The following MAST4 variants were observed in gnomAD, a reference collection of about 807,000 sequenced individuals.
MAST4 encodes microtubule associated serine/threonine kinase family member 4, also known as microtubule-associated serine/threonine-protein kinase 4.
MAST4 carries 89 observed loss-of-function variants against 162.7 expected under a neutral mutation model. The observed-to-expected ratio is 0.55, with a 90% CI of 0.46 to 0.65. MAST4 has a LOEUF of 0.65. MAST4 is among the 30% of genes least tolerant of loss of function. The probability of loss-of-function intolerance (pLI) is 0.00; values close to 1 mark genes in which losing one functional copy is unlikely to be tolerated. For synonymous variants in MAST4, 1,479 were observed against 1,361.1 expected, an observed-to-expected ratio of 1.09 and a Z score of -1.91; for missense variants, 3,153 against 3,374.0, an observed-to-expected ratio of 0.93 and a Z score of 1.62.
At chr5:66,914,511 G>C (rs1033879753) in intron 4 of MAST4, among the ~76,000 whole-genome samples, 3 of 152,174 alleles carry the variant, frequency 2.0e-5, no homozygotes, top group Non-Finnish European at 2.9e-5. Flanking sequence ...CTTCTAGAAA[G>C]AACTATAATG....
chr5:66,675,238 T>C (rs2149477866), intron 1 of MAST4, among the ~76,000 whole-genome samples: 1 of 152,294 alleles, frequency 6.6e-6, no homozygotes. Context: ...CCTTCCTTAG[T>C]AGAAGCTGGA....
In MAST4 at chr5:67,028,492, A is replaced by G. The variant is rs116654183; in HGVS notation, c.675-25912A>G. Among the ~76,000 whole-genome samples, 1,028 of 152,236 alleles carry G rather than the reference A, an allele frequency of 6.8e-3. 12 individuals carry two copies. The highest frequency in any genetic ancestry group is 0.024 in the African/African-American group (994 of 41,552). On this transcript the variant is annotated intron_variant, in intron 4 of 28. Transcript: ENST00000403625. Reference sequence around the variant, plus strand: ...TTCCAGGATCTGAGTTAGAGCAAGCATCACGGGCTTCTGGGGCAGATGGTG... The same window carrying G: ...TTCCAGGATCTGAGTTAGAGCAAGCGTCACGGGCTTCTGGGGCAGATGGTG...
intron 4 of MAST4, 58 bp downstream of exon 4, chr5:66,900,040 T>G (rs1158261171): frequency 2.5e-6 from 3 of 1,214,930 alleles, no homozygotes; most frequent in Non-Finnish European, 3.4e-6. Flanking sequence ...GTTTATAGTA[T>G]GATTCTTCTC....
At chr5:67,037,258 A>T (rs1756137991) in intron 4 of MAST4, among the ~76,000 whole-genome samples, 1 of 152,160 alleles carries the variant, frequency 6.6e-6, no homozygotes. Context: ...CGAGAAAGTT[A>T]GTGGCTAAGC....
intron 4 of MAST4, among the ~76,000 whole-genome samples, chr5:67,012,892 T>C (rs1581197743): frequency 6.6e-6 from 1 of 152,182 alleles, no homozygotes; most frequent in Admixed American, 6.5e-5. Flanking sequence ...TATACTAATA[T>C]CACAACTGAC....
At chr5:66,722,092 A>C (rs1011248627) in intron 1 of MAST4, among the ~76,000 whole-genome samples, 2 of 152,166 alleles carry the variant, frequency 1.3e-5, no homozygotes, top group Non-Finnish European at 1.5e-5. Context: ...TATGCTCAAC[A>C]GAGCAGCCAG....
intron 4 of MAST4, among the ~76,000 whole-genome samples, chr5:66,967,684 TAAAA>T (rs549249080): frequency 2.7e-5 from 3 of 112,934 alleles, no homozygotes; most frequent in Non-Finnish European, 5.6e-5. Context: ...TCACACTCCT[TAAAA>T]AAAAAAAAAA....
intron 5 of MAST4, among the ~76,000 whole-genome samples, chr5:67,073,240 A>G (rs917084424): frequency 1.3e-5 from 2 of 152,234 alleles, no homozygotes; most frequent in African/African-American, 4.8e-5. Flanking sequence ...TCTGGGTTGC[A>G]GAAACTCTTG....
At chr5:66,912,007 T>C (rs1296481852) in intron 4 of MAST4, among the ~76,000 whole-genome samples, 1 of 152,180 alleles carries the variant, frequency 6.6e-6, no homozygotes, top group Non-Finnish European at 1.5e-5. Context: ...TTTATTGTTA[T>C]TGGGGGTGGT....
chr5:66,787,470 A>G (rs1485432884), intron 2 of MAST4, among the ~76,000 whole-genome samples: 2 of 152,240 alleles, frequency 1.3e-5, no homozygotes, highest in East Asian at 1.9e-4. Context: ...CACATGGACA[A>G]TTGATGGGAG....
In MAST4 at chr5:66,673,537, T is replaced by G. The variant is rs138682957; in HGVS notation, c.363+76519T>G. 4.4e-3 allele frequency among the ~76,000 whole-genome samples: 668 copies of G among 150,206 alleles called. 16 individuals are homozygous for G. In the East Asian group the frequency reaches 0.067, roughly 15 times the overall value. ...TTTTGTTTTTTGTTTTTTGTTTTTT[T>G]TTTTTTTGAGACAGAGTCTTGCTCT... On this transcript the variant is annotated intron_variant, in intron 1 of 28. Transcript: ENST00000403625.
intron 1 of MAST4, among the ~76,000 whole-genome samples, chr5:66,643,670 G>A: frequency 6.6e-6 from 1 of 151,622 alleles, no homozygotes; most frequent in Admixed American, 6.6e-5. Context: ...CATGCTTTTT[G>A]TTTTGCTAGT....
intron 4 of MAST4, among the ~76,000 whole-genome samples, chr5:67,039,553 C>A (rs887445154): frequency 2.6e-5 from 4 of 152,160 alleles, no homozygotes; most frequent in Non-Finnish European, 5.9e-5. Flanking sequence ...AGGACCAAAT[C>A]TCAGGCTAGG....
intron 4 of MAST4, among the ~76,000 whole-genome samples, chr5:67,023,909 A>G (rs1754296265): frequency 6.6e-6 from 1 of 151,926 alleles, no homozygotes; most frequent in African/African-American, 2.4e-5. Context: ...GGATAGAAAA[A>G]AATGTTTAAT....
intron 4 of MAST4, among the ~76,000 whole-genome samples, chr5:66,910,209 C>A (rs932048701): frequency 2.0e-5 from 3 of 152,150 alleles, no homozygotes; most frequent in African/African-American, 7.2e-5. Context: ...CTCAAACTTG[C>A]CTTAAAAGCA....
chr5:66,654,297 T>G (rs1260180454), intron 1 of MAST4, among the ~76,000 whole-genome samples: 7 of 152,190 alleles, frequency 4.6e-5, no homozygotes, highest in Non-Finnish European at 1.0e-4. Flanking sequence ...GAGAGTGGTA[T>G]CCATCAAACA....
intron 5 of MAST4, among the ~76,000 whole-genome samples, chr5:67,067,179 C>T (rs978773729): frequency 6.6e-6 from 1 of 152,150 alleles, no homozygotes; most frequent in Non-Finnish European, 1.5e-5. Context: ...CTACCCAAAC[C>T]CTTTTGATTT....
At chr5:66,844,541 C>T (rs183798555) in intron 3 of MAST4, among the ~76,000 whole-genome samples, 36 of 152,136 alleles carry the variant, frequency 2.4e-4, no homozygotes, top group African/African-American at 8.4e-4. Flanking sequence ...ACTCACCCAA[C>T]GGATATTTGT....
In MAST4 at chr5:66,684,326, G is replaced by A. The variant is rs190984009; in HGVS notation, c.364-75383G>A. Among the ~76,000 whole-genome samples, 8 of 151,352 alleles carry A rather than the reference G, an allele frequency of 5.3e-5. No homozygotes were observed. The East Asian group carries it at 5.9e-4, about 11-fold the overall frequency. ...AGGAATCTATTGTAGAGTTGTTGGAGGGAAAATGTAGTGCTTCTTTTCTTC... is the reference window on the plus strand; with the variant it reads ...AGGAATCTATTGTAGAGTTGTTGGAAGGAAAATGTAGTGCTTCTTTTCTTC... On this transcript the variant is annotated intron_variant, in intron 1 of 28. Coordinates refer to ENST00000403625, the MANE Select transcript of MAST4 (RefSeq NM_001164664.2).
Sources: allele counts gnomAD v4.1 joint callset (sites outside exome capture counted in the v4.1 genomes callset), GRCh38; gene constraint gnomAD v4.1.1; transcripts MANE v1.5; gene names NCBI Gene and HGNC (gene_info 2026-07-23, HGNC 2026-07-21).